Variants in XPNPEP3 observed in about 807,000 individuals in gnomAD.
XPNPEP3 encodes X-prolyl aminopeptidase 3, also known as xaa-Pro aminopeptidase 3.
In XPNPEP3, 41 loss-of-function variants were observed where a neutral mutation model predicts 60.0. The ratio of observed to expected loss-of-function variants is 0.68; its 90% CI spans 0.53 to 0.89. XPNPEP3 has a LOEUF of 0.89. Among genes scored for constraint, XPNPEP3 ranks in the 40% least tolerant of loss-of-function variants. The pLI is 0.00. For missense variants in XPNPEP3, 598 were observed against 638.9 expected (o/e 0.94, Z 0.69); for synonymous variants, 212 against 223.2 (o/e 0.95, Z 0.45).
At chr22:40,910,248 A>G (rs999215502) in intron 6 of XPNPEP3, among the ~76,000 whole-genome samples, 9 of 152,120 alleles carry the variant, frequency 5.9e-5, no homozygotes, top group African/African-American at 1.9e-4. Flanking sequence ...CTCCCTCCCA[A>G]AGGTAACTGG....
intron 4 of XPNPEP3, among the ~76,000 whole-genome samples, chr22:40,891,458 G>T (rs2058088084): frequency 2.0e-5 from 3 of 151,528 alleles, no homozygotes; most frequent in Admixed American, 2.0e-4. Flanking sequence ...TTCGAGACCA[G>T]CCTGGCCTAT....
intron 4 of XPNPEP3, among the ~76,000 whole-genome samples, chr22:40,896,872 T>A (rs886621649): frequency 6.6e-6 from 1 of 152,156 alleles, no homozygotes; most frequent in Admixed American, 6.5e-5. Context: ...TTCTAATTAC[T>A]TCATATAAGT....
intron 1 of XPNPEP3, chr22:40,861,276 C>G: frequency 1.2e-6 from 2 of 1,614,170 alleles, no homozygotes; most frequent in Non-Finnish European, 1.7e-6. Flanking sequence ...TGACTGTGTT[C>G]TCCAGCTGCA....
chr22:40,908,228 A>G (rs1399018850), intron 5 of XPNPEP3, among the ~76,000 whole-genome samples: 1 of 151,860 alleles, frequency 6.6e-6, no homozygotes, highest in African/African-American at 2.4e-5. Flanking sequence ...AAAAAAAAAA[A>G]AGAGGCTGAG....
intron 1 of XPNPEP3, chr22:40,862,582 A>T: frequency 1.0e-6 from 1 of 985,498 alleles, no homozygotes; most frequent in Non-Finnish European, 1.2e-6. Context: ...GAAGTACTGG[A>T]TGCTAAACAA....
intron 9 of XPNPEP3, among the ~76,000 whole-genome samples, chr22:40,924,913 C>A (rs1177844609): frequency 6.6e-6 from 1 of 152,158 alleles, no homozygotes; most frequent in East Asian, 1.9e-4. Context: ...TTCGATTTAT[C>A]TTTTGTATTC....
rs1278468049 is a variant in XPNPEP3, at chr22:40,881,693, TC to T, written c.182-75del. On this transcript the variant is annotated intron_variant, in intron 2 of 9. Coordinates refer to ENST00000357137, the MANE Select transcript of XPNPEP3 (RefSeq NM_022098.4). ...AATTGAACAATTGGACTTGAGTATT[TC>T]CATCTAATATTAAACTACCTTAAGT... 4 of 1,520,084 alleles carry T rather than the reference TC, an allele frequency of 2.6e-6. No individual in the cohort carries two copies. The Admixed American group carries it at 6.7e-5, about 26-fold the overall frequency. The allele number at this position is 1,520,084 out of a possible 1,614,324, so 94.2% of individuals were successfully genotyped here.
chr22:40,913,606 T>A (rs902734062), intron 6 of XPNPEP3, among the ~76,000 whole-genome samples: 1 of 151,302 alleles, frequency 6.6e-6, no homozygotes, highest in African/African-American at 2.4e-5. Context: ...TAAAAAAAAA[T>A]GATAATAGTG....
At chr22:40,861,057 G>C (rs2057941420) in intron 1 of XPNPEP3, 1 of 1,568,810 alleles carries the variant, frequency 6.4e-7, no homozygotes, top group Non-Finnish European at 8.6e-7. Context: ...TATATTTGAA[G>C]AGTCAATTTA....
intron 4 of XPNPEP3, among the ~76,000 whole-genome samples, chr22:40,889,032 T>G (rs2058079715): frequency 6.6e-6 from 1 of 152,122 alleles, no homozygotes; most frequent in South Asian, 2.1e-4. Flanking sequence ...TTGTTTTGTT[T>G]TGTTTTGTTT....
chr22:40,863,959 C>G (rs769603560), intron 1 of XPNPEP3, among the ~76,000 whole-genome samples: 6 of 152,184 alleles, frequency 3.9e-5, no homozygotes, highest in Non-Finnish European at 5.9e-5. Context: ...TACTGAGAAC[C>G]TGCTGTTACC....
At position 40,862,127 on chromosome 22, in the gene XPNPEP3, T is replaced by C. The variant is rs138867868; in HGVS notation, c.64+4882T>C. The C allele has an allele frequency of 1.6e-5, 24 of 1,473,754 alleles. No homozygotes were observed. The African/African-American group carries it at 3.3e-4, about 20-fold the overall frequency. The allele number at this position is 1,473,754 out of a possible 1,614,324, so 91.3% of individuals were successfully genotyped here. On this transcript the variant is annotated intron_variant, in intron 1 of 9. Transcript: ENST00000357137. ...CACTTTTATGTTAAAGACAATGTTATTACCATGTGCTAAGAGATGAGGATA... is the reference window on the plus strand; with the variant it reads ...CACTTTTATGTTAAAGACAATGTTACTACCATGTGCTAAGAGATGAGGATA...
chr22:40,907,797 T>C (rs1749995333), intron 5 of XPNPEP3, 148 bp downstream of exon 5: 1 of 805,632 alleles, frequency 1.2e-6, no homozygotes, highest in South Asian at 1.5e-5. Flanking sequence ...ACTGGTCATT[T>C]ATAAGTCTAA....
chr22:40,870,839 T>G (rs1435397347), intron 2 of XPNPEP3, among the ~76,000 whole-genome samples: 4 of 151,586 alleles, frequency 2.6e-5, no homozygotes, highest in Non-Finnish European at 4.4e-5. Flanking sequence ...ACCAATATGG[T>G]GAAATCCTGT....
intron 3 of XPNPEP3, among the ~76,000 whole-genome samples, chr22:40,882,701 G>A (rs537198311): frequency 1.4e-4 from 21 of 151,770 alleles, no homozygotes; most frequent in African/African-American, 4.4e-4. Context: ...CTAAGATCCC[G>A]CCACTGCACT....
At chr22:40,898,954 G>A (rs1007788407) in intron 4 of XPNPEP3, among the ~76,000 whole-genome samples, 1 of 152,170 alleles carries the variant, frequency 6.6e-6, no homozygotes, top group African/African-American at 2.4e-5. Flanking sequence ...ACATATGATA[G>A]GCCCCTCCCT....
Position 40,926,261 on chromosome 22 carries a change from C to T in XPNPEP3, c.1358-8C>T, listed in dbSNP as rs764025707. The T allele has an allele frequency of 6.2e-7, 1 of 1,614,118 alleles. No individual in the cohort carries two copies. Among genetic ancestry groups the T allele is most frequent in the South Asian group, 1.1e-5 (1 of 91,076 alleles). ...CCTGAACAGCATGTTCTTCTTTCTA[C>T]TTCACAGGCATTTATATTCCAGAGG... On this transcript the variant is annotated splice_region_variant and splice_polypyrimidine_tract_variant and intron_variant, in intron 9 of 9. Transcript: ENST00000357137.
intron 4 of XPNPEP3, among the ~76,000 whole-genome samples, chr22:40,906,305 C>G (rs1055610660): frequency 2.0e-5 from 3 of 151,674 alleles, no homozygotes; most frequent in Admixed American, 2.0e-4. Flanking sequence ...TCTGTAGTCC[C>G]AGCTACTTAG....
chr22:40,914,176 G>T, intron 6 of XPNPEP3, 63 bp from the exon 7 acceptor site: 1 of 1,374,472 alleles, frequency 7.3e-7, no homozygotes, highest in Non-Finnish European at 1.0e-6. Context: ...GCATACTTTG[G>T]ATTACTAGAA....
Sources: gnomAD v4.1 joint callset for allele counts (sites outside exome capture counted in the v4.1 genomes callset) on GRCh38, gnomAD v4.1.1 for gene constraint, MANE v1.5 for transcripts, NCBI Gene and HGNC (gene_info 2026-07-23, HGNC 2026-07-21) for gene names.